The following TIAM2 variants were observed in gnomAD, a reference collection of about 807,000 sequenced individuals.
TIAM2 encodes TIAM Rac1 associated GEF 2, also known as rho guanine nucleotide exchange factor TIAM2.
Under a neutral mutation model 152.9 loss-of-function variants are expected in TIAM2, and 80 were observed. The ratio of observed to expected loss-of-function variants is 0.52; its 90% CI spans 0.44 to 0.63. The LOEUF (loss-of-function observed/expected upper bound fraction) is 0.63. Ranked by LOEUF, TIAM2 falls within the 30% of genes least tolerant of loss-of-function variation. TIAM2 has a pLI of 0.00. For synonymous variants in TIAM2, 804 were observed against 838.0 expected (o/e 0.96, Z 0.70); for missense variants, 1,965 against 2,120.1 (o/e 0.93, Z 1.44).
intron 2 of TIAM2, among the ~76,000 whole-genome samples, chr6:155,104,679 C>T (rs1157424856): frequency 6.6e-6 from 1 of 151,240 alleles, no homozygotes; most frequent in East Asian, 1.9e-4. Flanking sequence ...ATCGCTTGAA[C>T]CCGGGAGGCG....
At chr6:155,143,573 C>A (rs1310097623) in intron 5 of TIAM2, among the ~76,000 whole-genome samples, 2 of 152,178 alleles carry the variant, frequency 1.3e-5, no homozygotes, top group African/African-American at 4.8e-5. Flanking sequence ...ATTTGGAGAA[C>A]AAACCGGGTA....
chr6:155,099,218 ATATGTGTGTGTG>A (rs1778494034), intron 2 of TIAM2, among the ~76,000 whole-genome samples: 1 of 57,720 alleles, frequency 1.7e-5, no homozygotes, highest in African/African-American at 5.7e-5. Context: ...GTGTATATAT[ATATGTGTGTGTG>A]TGTGTGTGTG....
intron 15 of TIAM2, among the ~76,000 whole-genome samples, chr6:155,222,044 C>A (rs1200874187): frequency 6.6e-6 from 1 of 151,970 alleles, no homozygotes; most frequent in Non-Finnish European, 1.5e-5. Flanking sequence ...GCCTCTGCCT[C>A]CCGGGTTCAA....
chr6:155,229,871 C>T (rs6908258), intron 15 of TIAM2, among the ~76,000 whole-genome samples: 48,426 of 151,938 alleles, frequency 0.32, 8,539 homozygotes, highest in Middle Eastern at 0.47. Context: ...GGCAAGAGAG[C>T]GTGTGCAGGG....
At chr6:155,095,225 C>T (rs1195250965) in intron 2 of TIAM2, among the ~76,000 whole-genome samples, 2 of 152,120 alleles carry the variant, frequency 1.3e-5, no homozygotes, top group African/African-American at 2.4e-5. Context: ...AGTGATATAA[C>T]CGAGGGAGTG....
At chr6:155,088,479 A>G (rs1403875450) in intron 1 of TIAM2, among the ~76,000 whole-genome samples, 6 of 152,224 alleles carry the variant, frequency 3.9e-5, no homozygotes, top group African/African-American at 7.2e-5. Context: ...GTTTTTTGCT[A>G]CTTTGAGTAT....
At position 155,148,092 on chromosome 6, in the gene TIAM2, C is replaced by T. The variant is rs759547034; in HGVS notation, c.1804-18C>T. 2 of 1,612,698 alleles carry T rather than the reference C, an allele frequency of 1.2e-6. No individual in the cohort carries two copies. Among genetic ancestry groups the T allele is most frequent in the Non-Finnish European group, 1.7e-6 (2 of 1,179,008 alleles). ...GGTAAAATGATTCGAAACAGGCTTT[C>T]TCCCTCCCTGTGTGTAGGCCACCAG... On this transcript the variant is annotated intron_variant, in intron 6 of 26. Transcript: ENST00000682666.
intron 15 of TIAM2, among the ~76,000 whole-genome samples, chr6:155,231,631 G>A (rs938120808): frequency 6.7e-6 from 1 of 149,490 alleles, no homozygotes; most frequent in African/African-American, 2.6e-5. Flanking sequence ...GGCCCTGCCA[G>A]CTTCCCCCCA....
chr6:155,187,540 G>A (rs1781069309), intron 14 of TIAM2, among the ~76,000 whole-genome samples: 1 of 148,706 alleles, frequency 6.7e-6, no homozygotes, highest in Admixed American at 6.8e-5. Flanking sequence ...AGAGGCTTGG[G>A]GCAGTGCAAC....
chr6:155,182,244 A>C lies in TIAM2; in HGVS notation c.2726A>C (p.Gln909Pro), dbSNP rs778952204. 2.5e-6 allele frequency: 4 copies of C among 1,614,082 alleles called. No individual in the cohort carries two copies. The highest frequency in any genetic ancestry group is 1.7e-6 in the Non-Finnish European group (2 of 1,180,022). Residue 909 changes from glutamine (Q) to proline (P), a missense_variant, in exon 13 of 27, where the codon CAG becomes CCG. Around this residue, in one of 3 missense-constraint regions of TIAM2, gnomAD observed 5 missense variants for 20.7 expected, o/e 0.24. Transcript: ENST00000682666. ...VCDFGFAVTA[Q>P]VDERQHLSRI... ...TTCCTAGGGTTTGCAGTTACAGCGC[A>C]GGTGGATGAGCGTCAGCATCTCAGC...
intron 15 of TIAM2, among the ~76,000 whole-genome samples, chr6:155,219,137 G>A (rs377425686): frequency 6.6e-6 from 1 of 152,142 alleles, no homozygotes; most frequent in East Asian, 1.9e-4. Context: ...ACCGTCCCAT[G>A]AGATGAAAAT....
chr6:155,198,162 C>A (rs1020177075), intron 14 of TIAM2, among the ~76,000 whole-genome samples: 1 of 152,182 alleles, frequency 6.6e-6, no homozygotes, highest in Admixed American at 6.5e-5. Context: ...ACTCTGAAGG[C>A]ATTTTGTCTG....
At position 155,247,096 on chromosome 6, in the gene TIAM2, G is replaced by A. The variant is rs147042152; in HGVS notation, c.3653-904G>A. Among the ~76,000 whole-genome samples, 209 of 152,344 alleles carry A rather than the reference G, an allele frequency of 1.4e-3. 3 individuals carry two copies. Among genetic ancestry groups the A allele is most frequent in the African/African-American group, 4.6e-3 (193 of 41,582 alleles). On this transcript the variant is annotated intron_variant, in intron 19 of 26. Transcript: ENST00000682666. ...AAGGGAGCTGTGGCTCTAGGTATGC[G>A]AAAGGTGAATCTGCTTGGAGCTGTG...
chr6:155,190,901 T>C (rs1781184644), intron 14 of TIAM2, among the ~76,000 whole-genome samples: 1 of 152,142 alleles, frequency 6.6e-6, no homozygotes, highest in Admixed American at 6.5e-5. Flanking sequence ...AAATGGTGCT[T>C]GTTTGTGTTT....
intron 1 of TIAM2, among the ~76,000 whole-genome samples, chr6:155,072,828 G>A (rs144018279): frequency 6.6e-6 from 1 of 152,144 alleles, no homozygotes; most frequent in Admixed American, 6.5e-5. Context: ...AGGAGGCTGG[G>A]TCAGTTGTGG....
intron 1 of TIAM2, among the ~76,000 whole-genome samples, chr6:155,033,171 ACTGCAGCCATGACGGCCCCAGGCCCT>A (rs1182047075): frequency 6.6e-6 from 1 of 152,188 alleles, no homozygotes; most frequent in Non-Finnish European, 1.5e-5. Context: ...ATATGTATTC[ACTGCAGCCATGACGGCCCCAGGCCCT>A]CTGCAGCCCT....
In TIAM2 at chr6:155,252,031, G is replaced by A. The variant is rs775424471; in HGVS notation, c.4119+28G>A. ...AAGGCAAAAATTCATTTTAATTTAA[G>A]CTACCTTTTCATAGCTGTATCTTCC... On this transcript the variant is annotated intron_variant, in intron 23 of 26. Coordinates refer to ENST00000682666, the MANE Select transcript of TIAM2 (RefSeq NM_012454.4). 33 of 1,563,140 alleles carry A rather than the reference G, an allele frequency of 2.1e-5. 1 individual carries two copies. In the South Asian group the frequency reaches 3.4e-4, roughly 16 times the overall value.
At chr6:155,105,643 G>C (rs1032399037) in intron 2 of TIAM2, among the ~76,000 whole-genome samples, 7 of 151,210 alleles carry the variant, frequency 4.6e-5, no homozygotes. Flanking sequence ...TTTTCTGGTA[G>C]AGACAGTCTC....
intron 9 of TIAM2, among the ~76,000 whole-genome samples, chr6:155,170,626 A>C (rs1387363914): frequency 6.6e-6 from 1 of 152,194 alleles, no homozygotes; most frequent in Non-Finnish European, 1.5e-5. Context: ...ATGAAACTAT[A>C]GCATCAGTAC....
Sources: gnomAD v4.1 joint callset for allele counts (sites outside exome capture counted in the v4.1 genomes callset) on GRCh38, gnomAD v4.1.1 for gene constraint, gnomAD v4.1.1 regional missense constraint, MANE v1.5 for transcripts, NCBI Gene and HGNC (gene_info 2026-07-23, HGNC 2026-07-21) for gene names.